Variants in SHANK1 observed in about 807,000 individuals in gnomAD.
SHANK1 encodes SH3 and multiple ankyrin repeat domains 1.
SHANK1 carries 35 observed loss-of-function variants against 165.6 expected under a neutral mutation model. The ratio of observed to expected loss-of-function variants is 0.21; its 90% CI spans 0.16 to 0.28. The LOEUF is 0.28. SHANK1 is among the 10% of genes least tolerant of loss of function. The pLI is 1.00. For missense variants in SHANK1, 2,681 were observed against 3,036.4 expected, an observed-to-expected ratio of 0.88 and a Z score of 2.75; for synonymous variants, 1,428 against 1,384.8, an observed-to-expected ratio of 1.03 and a Z score of -0.69.
At chr19:50,677,263 G>C (rs1986012097) in intron 21 of SHANK1, among the ~76,000 whole-genome samples, 1 of 151,958 alleles carries the variant, frequency 6.6e-6, no homozygotes, top group South Asian at 2.1e-4. Flanking sequence ...GAGTAGCTGA[G>C]ACTATAGGTT....
At chr19:50,692,391 GA>G (rs1281495555) in intron 15 of SHANK1, among the ~76,000 whole-genome samples, 1 of 151,028 alleles carries the variant, frequency 6.6e-6, no homozygotes, top group African/African-American at 2.5e-5. Context: ...CCGAGGCACA[GA>G]GAAATAACTT....
chr19:50,687,068 G>A, intron 19 of SHANK1: 1 of 1,435,642 alleles, frequency 7.0e-7, no homozygotes, highest in South Asian at 1.6e-5. Flanking sequence ...CAGTAGAGGA[G>A]CCAAGAGTTA....
rs1286312458 is a variant in SHANK1 at position 50,661,052 on chromosome 19, A to G, written c.*913T>C. The stretch of plus-strand genomic sequence containing the variant: ...TGCTTCAACGTAAGAAAATGGAGGT[A>G]AGAGTGTGTCAGGAGGGGTGCATAA... On this transcript the variant is annotated 3_prime_UTR_variant, in exon 24 of 24. Coordinates refer to ENST00000293441, the MANE Select transcript of SHANK1 (RefSeq NM_016148.5). 1.3e-5 allele frequency among the ~76,000 whole-genome samples: 2 copies of G among 151,946 alleles called. No homozygotes were observed. Among genetic ancestry groups the G allele is most frequent in the Non-Finnish European group, 2.9e-5 (2 of 68,004 alleles).
intron 8 of SHANK1, among the ~76,000 whole-genome samples, chr19:50,708,337 A>G (rs1029089255): frequency 2.6e-5 from 4 of 152,104 alleles, no homozygotes; most frequent in Non-Finnish European, 5.9e-5. Flanking sequence ...CTACTCTTAC[A>G]AAGCTGAGAA....
rs752553472 is a variant in SHANK1 at position 50,714,214 on chromosome 19, A to G, written c.608T>C (p.Leu203Pro). The G allele has an allele frequency of 6.2e-7, 1 of 1,614,150 alleles. No individual in the cohort carries two copies. Among genetic ancestry groups the G allele is most frequent in the Non-Finnish European group, 8.5e-7 (1 of 1,180,010 alleles). Residue 203 changes from leucine (L) to proline (P), a missense_variant, in exon 5 of 24, where the codon CTG becomes CCG. By Grantham distance (98) the Leu-to-Pro change is moderately conservative (BLOSUM62 -3). Transcript: ENST00000293441. ...ATCCGAGTCATGGTAATTGGGGTCC[A>G]GCCCCTTGTCCAGCAGCCGCGCCAC... ...DKVARLLDKG[L>P]DPNYHDSDSG...
Position 50,687,629 on chromosome 19 carries a change from G to A in SHANK1, c.2342C>T (p.Thr781Ile), listed in dbSNP as rs1239185226. 2.6e-6 allele frequency: 4 copies of A among 1,528,788 alleles called. No individual in the cohort carries two copies. In the East Asian group the frequency reaches 9.9e-5, roughly 38 times the overall value. 94.7% of individuals were successfully genotyped at this position (1,528,788 alleles called of 1,614,324 possible). A position where few individuals can be genotyped will look rare whatever the true frequency, so the allele number is the denominator to read the frequency against. Reference sequence around the variant, plus strand: ...CATAGATTTGGAACGCAGGGAGATGGTTGGGGGCGGCAGCCGCTTGGCCTG... The same window carrying A: ...CATAGATTTGGAACGCAGGGAGATGATTGGGGGCGGCAGCCGCTTGGCCTG... Reference protein sequence around the residue: ...PQQAKRLPPPTISLRSKSMTS... With the variant: ...PQQAKRLPPPIISLRSKSMTS... The change falls in exon 19 of 24, where the codon ACC (threonine) becomes ATC (isoleucine). Residue 781 changes from threonine to isoleucine, a missense_variant. Thr to Ile is a moderately conservative substitution (Grantham distance 89). This residue lies in a region of SHANK1 where 206 missense variants were observed against 216.0 expected (regional missense o/e 0.95). Transcript: ENST00000293441.
chr19:50,683,537 T>C (rs1986240542), intron 21 of SHANK1, among the ~76,000 whole-genome samples: 1 of 152,166 alleles, frequency 6.6e-6, no homozygotes, highest in Non-Finnish European at 1.5e-5. Context: ...ATAAGGCACA[T>C]CACGGCCTTC....
At position 50,667,346 on chromosome 19, in the gene SHANK1, T is replaced by C. The variant is rs775294226; in HGVS notation, c.4614A>G (p.Glu1538=). 9.6e-6 allele frequency: 15 copies of C among 1,560,968 alleles called. No homozygotes were observed. In the South Asian group the frequency reaches 1.5e-4, roughly 16 times the overall value. The change falls in exon 23 of 24, where the codon GAA becomes GAG. Residue 1538 remains glutamate (E), a synonymous_variant. Coordinates refer to ENST00000293441, the MANE Select transcript of SHANK1 (RefSeq NM_016148.5). This position sits in a 1 kb window ranked among gnomAD's most constrained non-coding sequence, Gnocchi z 5.7. ...GGACCAGCAGGGGCAGCCCGTTCTC[T>C]TCGCTGGCCCTCGGGGAGGTCGGGG... ...PPSPTSPRAS[E]ENGLPLLVLP...
rs553765654 is a variant in SHANK1, at chr19:50,707,656, G to A, written c.1078-3142C>T. Among the ~76,000 whole-genome samples, 109 of 151,736 alleles carry A rather than the reference G, an allele frequency of 7.2e-4. 1 individual carries two copies. Among genetic ancestry groups the A allele is most frequent in the African/African-American group, 2.5e-3 (105 of 41,310 alleles). Reference sequence around the variant, plus strand: ...GCTCACTGCAGCCTCCACCTTTTGGGCTCAAGCAATCCTCCTGTGCACCTG... The same window carrying A: ...GCTCACTGCAGCCTCCACCTTTTGGACTCAAGCAATCCTCCTGTGCACCTG... On this transcript the variant is annotated intron_variant, in intron 8 of 23. Coordinates refer to ENST00000293441, the MANE Select transcript of SHANK1 (RefSeq NM_016148.5).
intron 15 of SHANK1, 100 bp from the exon 16 acceptor site, chr19:50,689,379 C>G (rs759045710): frequency 2.3e-6 from 2 of 861,404 alleles, no homozygotes; most frequent in East Asian, 2.4e-5. Flanking sequence ...AGACCCAAAC[C>G]TCTGCTCCAG....
chr19:50,705,318 G>T (rs1018382120), intron 8 of SHANK1, among the ~76,000 whole-genome samples: 22 of 152,038 alleles, frequency 1.4e-4, no homozygotes, highest in Non-Finnish European at 5.9e-5. Flanking sequence ...CTCCAGCCTG[G>T]GTGACAGAGT....
Position 50,702,630 on chromosome 19 carries a change from G to A in SHANK1, c.1584C>T (p.Ala528=), listed in dbSNP as rs750041152. 6.6e-5 allele frequency: 105 copies of A among 1,582,944 alleles called. No homozygotes were observed. The highest frequency in any genetic ancestry group is 1.7e-4 in the Middle Eastern group (1 of 5,806). Residue 528 remains alanine (A), a synonymous_variant, in exon 12 of 24, where the codon GCC becomes GCT. Transcript: ENST00000293441. This position sits in a 1 kb window ranked among gnomAD's most constrained non-coding sequence, Gnocchi z 5.3. Reference sequence around the variant, plus strand: ...GGCCCCCTGAGCCCCCCGTGCCCCCGGCTGGCCCTTCCCGGGGTGTCCCGC... The same window carrying A: ...GGCCCCCTGAGCCCCCCGTGCCCCCAGCTGGCCCTTCCCGGGGTGTCCCGC... ...SSSGTPREGP[A]GGTGGSGGPG...
chr19:50,668,636 G>T lies in SHANK1; in HGVS notation c.3324C>A (p.Gly1108=). Residue 1108 remains glycine (G), a synonymous_variant, in exon 23 of 24, where the codon GGC becomes GGA. Transcript: ENST00000293441. ...CCACCTTGGTCTGCTTGACCAGCGG[G>T]CCCTTGCGGCCGCGGCCCGAGCGGG... is the stretch of plus-strand genomic sequence containing the variant. The part of the protein sequence containing the change: ...VPARSGRGRK[G]PLVKQTKVEG... The T allele has an allele frequency of 7.3e-7, 1 of 1,368,576 alleles. No individual in the cohort carries two copies. Among genetic ancestry groups the T allele is most frequent in the Non-Finnish European group, 9.4e-7 (1 of 1,058,934 alleles). The allele number at this position is 1,368,576 out of a possible 1,614,324, so 84.8% of individuals were successfully genotyped here. A position where few individuals can be genotyped will look rare whatever the true frequency, so the allele number is the denominator to read the frequency against.
At chr19:50,684,373 A>G (rs1174431156) in intron 21 of SHANK1, among the ~76,000 whole-genome samples, 2 of 152,128 alleles carry the variant, frequency 1.3e-5, no homozygotes, top group African/African-American at 2.4e-5. Context: ...TTACAGGCAC[A>G]TGCCACCACA....
Position 50,715,561 on chromosome 19 carries a change from G to A in SHANK1, c.531+98C>T. 3 of 1,075,806 alleles carry A rather than the reference G, an allele frequency of 2.8e-6. No individual in the cohort carries two copies. In the East Asian group the frequency reaches 7.1e-5, roughly 25 times the overall value. The allele number at this position is 1,075,806 out of a possible 1,614,324, so 66.6% of individuals were successfully genotyped here. On this transcript the variant is annotated intron_variant, in intron 4 of 23. Transcript: ENST00000293441. ...GAGGGATCGCTGGCTTGGGGAATGT[G>A]GAGGTCTATTGGGAAGAGGTGGGGA...
At chr19:50,703,067 T>G (rs1196017010) in intron 11 of SHANK1, among the ~76,000 whole-genome samples, 1 of 151,426 alleles carries the variant, frequency 6.6e-6, no homozygotes, top group Non-Finnish European at 1.5e-5. Context: ...GGCCTTCGCC[T>G]CCTTCTCACC....
chr19:50,687,925 T>G lies in SHANK1; in HGVS notation c.2306A>C (p.Lys769Thr). The G allele has an allele frequency of 1.9e-6, 3 of 1,613,970 alleles. No individual in the cohort carries two copies. In the South Asian group the frequency reaches 3.3e-5, roughly 18 times the overall value. Residue 769 changes from lysine (K) to threonine (T), a missense_variant and splice_region_variant, in exon 18 of 24, where the codon AAA (lysine) becomes ACA (threonine). Physicochemically the swap from Lys to Thr is moderately conservative, Grantham distance 78. This residue lies in a region of SHANK1 where 206 missense variants were observed against 216.0 expected (regional missense o/e 0.95). Coordinates refer to ENST00000293441, the MANE Select transcript of SHANK1 (RefSeq NM_016148.5). ...HPDMDEAVHK[K>T]APQQAKRLPP... Reference sequence around the variant, plus strand: ...TGCGAGAGTGGCCGCAGGAGCACCTTTCTTGTGCACTGCCTCATCCATGTC... The same window carrying G: ...TGCGAGAGTGGCCGCAGGAGCACCTGTCTTGTGCACTGCCTCATCCATGTC...
At chr19:50,695,885 G>A (rs1986723120) in intron 15 of SHANK1, among the ~76,000 whole-genome samples, 1 of 152,198 alleles carries the variant, frequency 6.6e-6, no homozygotes, top group Non-Finnish European at 1.5e-5. Flanking sequence ...CGCGGGGAGG[G>A]GGCGGCACAC....
intron 21 of SHANK1, among the ~76,000 whole-genome samples, chr19:50,680,647 T>G (rs555641063): frequency 6.7e-6 from 1 of 148,914 alleles, no homozygotes; most frequent in East Asian, 2.0e-4. Context: ...AGTCCTTAGA[T>G]AGTGGCATCT....
Sources: allele counts gnomAD v4.1 joint callset (sites outside exome capture counted in the v4.1 genomes callset), GRCh38; gene constraint gnomAD v4.1.1; regional missense constraint gnomAD v4.1.1; non-coding constraint Gnocchi (gnomAD v3.1); transcripts MANE v1.5; gene names NCBI Gene and HGNC (gene_info 2026-07-23, HGNC 2026-07-21).